FHIT: variants seen among roughly 807,000 people sequenced by gnomAD.
FHIT encodes the protein bis(5'-adenosyl)-triphosphatase.
Under a neutral mutation model 17.9 loss-of-function variants are expected in FHIT, and 19 were observed. That is an observed-to-expected ratio of 1.06 (90% CI 0.74 to 1.56). The LOEUF (loss-of-function observed/expected upper bound fraction) is 1.56. FHIT is among the 40% of genes most tolerant of loss of function. The pLI is 0.00. For synonymous variants in FHIT, 81 were observed against 69.7 expected (o/e 1.16, Z -0.81); for missense variants, 248 against 189.2 (o/e 1.31, Z -1.82).
intron 4 of FHIT, among the ~76,000 whole-genome samples, chr3:60,780,431 T>A (rs2108093830): frequency 6.6e-6 from 1 of 152,266 alleles, no homozygotes; most frequent in East Asian, 1.9e-4. Flanking sequence ...TTTTTGCCAG[T>A]CAGGCTTTTG....
intron 7 of FHIT, among the ~76,000 whole-genome samples, chr3:59,961,719 C>T (rs1017443708): frequency 2.0e-5 from 3 of 152,196 alleles, no homozygotes; most frequent in Non-Finnish European, 4.4e-5. Flanking sequence ...CACCCTGCTT[C>T]CCCTCGCCCC....
Position 60,037,390 on chromosome 3 carries a change from C to CT in FHIT, c.104-23239dup, listed in dbSNP as rs35755244. 4.9e-3 allele frequency among the ~76,000 whole-genome samples: 656 copies of CT among 133,740 alleles called. 2 individuals are homozygous for CT. The highest frequency in any genetic ancestry group is 0.015 in the African/African-American group (540 of 36,662). The allele number at this position is 133,740 out of a possible 152,430, so 87.7% of individuals were successfully genotyped here. On this transcript the variant is annotated intron_variant, in intron 5 of 9. Coordinates refer to ENST00000492590, the MANE Select transcript of FHIT (RefSeq NM_002012.4). ...TCAGCTTACTTAAAACCAAGTCTTTCTTTTTTTTTTTTTTTTGAGACGGAG... is the reference window on the plus strand; with the variant it reads ...TCAGCTTACTTAAAACCAAGTCTTTCTTTTTTTTTTTTTTTTTGAGACGGAG...
chr3:61,232,452 T>G (rs2040129972), intron 1 of FHIT, among the ~76,000 whole-genome samples: 1 of 152,134 alleles, frequency 6.6e-6, no homozygotes, highest in South Asian at 2.1e-4. Context: ...GAGATGAAAT[T>G]CTTTAAAAGG....
intron 5 of FHIT, among the ~76,000 whole-genome samples, chr3:60,090,007 G>A (rs1215085948): frequency 1.3e-5 from 2 of 152,054 alleles, no homozygotes; most frequent in East Asian, 1.9e-4. Flanking sequence ...CTGTGTTCCA[G>A]GCATTGATCT....
chr3:60,795,110 CT>C (rs1553729830), intron 4 of FHIT, among the ~76,000 whole-genome samples: 3 of 152,142 alleles, frequency 2.0e-5, no homozygotes, highest in East Asian at 1.9e-4. Context: ...CTGCATCTTG[CT>C]TTTTTTTCAC....
chr3:60,801,901 C>G (rs1369615700), intron 4 of FHIT, among the ~76,000 whole-genome samples: 5 of 152,154 alleles, frequency 3.3e-5, no homozygotes, highest in Admixed American at 2.6e-4. Context: ...TTCCTTCCCC[C>G]AACAAATTAA....
At chr3:60,649,548 TA>T (rs1164333499) in intron 4 of FHIT, among the ~76,000 whole-genome samples, 2 of 152,188 alleles carry the variant, frequency 1.3e-5, no homozygotes, top group African/African-American at 4.8e-5. Context: ...ATACTGAAAT[TA>T]TAAATGACGA....
intron 5 of FHIT, among the ~76,000 whole-genome samples, chr3:60,523,716 G>C (rs1041366559): frequency 6.6e-6 from 1 of 152,186 alleles, no homozygotes; most frequent in African/African-American, 2.4e-5. Flanking sequence ...ATTTCTCTCA[G>C]CTGAGGAAAT....
At chr3:61,036,897 C>CTTTTTTTTTT (rs749043451) in intron 3 of FHIT, among the ~76,000 whole-genome samples, 1 of 54,996 alleles carries the variant, frequency 1.8e-5, no homozygotes, top group African/African-American at 3.9e-5. Context: ...GATCAGTCTG[C>CTTTTTTTTTT]TTTGTTTTTT....
At chr3:60,783,239 G>T (rs1224548421) in intron 4 of FHIT, among the ~76,000 whole-genome samples, 1 of 152,150 alleles carries the variant, frequency 6.6e-6, no homozygotes, top group African/African-American at 2.4e-5. Context: ...TCTGGGGGAT[G>T]GGTGACACAT....
chr3:61,187,953 G>A (rs1174239772), intron 2 of FHIT, among the ~76,000 whole-genome samples: 1 of 152,176 alleles, frequency 6.6e-6, no homozygotes, highest in African/African-American at 2.4e-5. Flanking sequence ...GAAATTTACA[G>A]CACTAAATGC....
chr3:60,629,172 CA>C (rs1315725434), intron 4 of FHIT, among the ~76,000 whole-genome samples: 2 of 152,084 alleles, frequency 1.3e-5, no homozygotes, highest in African/African-American at 4.8e-5. Flanking sequence ...ACCTGTTCCT[CA>C]GTGAGATACC....
At chr3:60,592,231 A>C (rs2038110329) in intron 4 of FHIT, among the ~76,000 whole-genome samples, 1 of 146,948 alleles carries the variant, frequency 6.8e-6, no homozygotes, top group South Asian at 2.1e-4. Context: ...TATATATACT[A>C]TATATATTCC....
chr3:59,751,190 T>C (rs1700876881), intron 9 of FHIT: 2 of 178,998 alleles, frequency 1.1e-5, no homozygotes, highest in Admixed American at 6.3e-5. Context: ...TATTGCATGG[T>C]AACCCTATAT....
intron 5 of FHIT, among the ~76,000 whole-genome samples, chr3:60,044,991 A>T (rs1701592255): frequency 6.6e-6 from 1 of 152,096 alleles, no homozygotes; most frequent in Non-Finnish European, 1.5e-5. Flanking sequence ...TTTTGACCCA[A>T]AGTCTTACGT....
At chr3:60,107,266 A>G (rs1272592294) in intron 5 of FHIT, among the ~76,000 whole-genome samples, 2 of 150,700 alleles carry the variant, frequency 1.3e-5, no homozygotes. Flanking sequence ...ATCCTGTTAC[A>G]GATAGCTTTT....
intron 5 of FHIT, among the ~76,000 whole-genome samples, chr3:60,412,167 G>T (rs145474014): frequency 4.6e-5 from 7 of 152,182 alleles, no homozygotes; most frequent in Non-Finnish European, 8.8e-5. Context: ...TTGAGCCTAG[G>T]AGTTTCAGTC....
chr3:60,459,156 A>G (rs1438885373), intron 5 of FHIT, among the ~76,000 whole-genome samples: 1 of 152,148 alleles, frequency 6.6e-6, no homozygotes, highest in Admixed American at 6.5e-5. Flanking sequence ...TAGCTTCATC[A>G]AAATCACTTG....
intron 5 of FHIT, among the ~76,000 whole-genome samples, chr3:60,298,520 G>C (rs1708309170): frequency 6.6e-6 from 1 of 152,158 alleles, no homozygotes; most frequent in African/African-American, 2.4e-5. Context: ...GTGTTGAATA[G>C]TAGCGGTGAG....
Sources: allele counts gnomAD v4.1 joint callset (sites outside exome capture counted in the v4.1 genomes callset), GRCh38; gene constraint gnomAD v4.1.1; transcripts MANE v1.5; gene names NCBI Gene and HGNC (gene_info 2026-07-23, HGNC 2026-07-21).